GALNT17: variants seen among roughly 807,000 people sequenced by gnomAD.
GALNT17 encodes polypeptide N-acetylgalactosaminyltransferase 17, also known as UDP-GalNAc:polypeptide N-acetylgalactosaminyltransferase-like 3.
A neutral mutation model predicts 63.7 loss-of-function variants in GALNT17; 29 were observed. The observed-to-expected ratio is 0.46, with a 90% CI of 0.34 to 0.62. The LOEUF is 0.62. Among genes scored for constraint, GALNT17 ranks in the 20% least tolerant of loss-of-function variants. GALNT17 has a pLI of 0.01. For missense variants in GALNT17, 603 were observed against 799.6 expected (o/e 0.75, Z 2.97); for synonymous variants, 305 against 318.3 (o/e 0.96, Z 0.45).
At position 71,133,045 on chromosome 7, in the gene GALNT17, G is replaced by A. The variant is rs757814002; in HGVS notation, c.238+5G>A. ...TCGTGTACCGGCAGCTGAATGGTAA[G>A]GACGCACGCCGGCGCCTCCGGGGCT... is the stretch of plus-strand genomic sequence containing the variant. On this transcript the variant is annotated splice_donor_5th_base_variant and intron_variant, in intron 1 of 10. Transcript: ENST00000333538. 1.1e-5 allele frequency: 17 copies of A among 1,550,540 alleles called. No homozygotes were observed. In the South Asian group the frequency reaches 1.8e-4, roughly 16 times the overall value.
intron 1 of GALNT17, among the ~76,000 whole-genome samples, chr7:71,201,444 T>G (rs1789169809): frequency 6.6e-6 from 1 of 151,944 alleles, no homozygotes; most frequent in African/African-American, 2.4e-5. Context: ...CATTCAAAAC[T>G]CTTACACGGG....
rs1393924345 is a variant in GALNT17, at chr7:71,653,011, TG to T, written c.1081-12399del. On this transcript the variant is annotated intron_variant, in intron 6 of 10. Coordinates refer to ENST00000333538, the MANE Select transcript of GALNT17 (RefSeq NM_022479.3). ...GGAAGGGTTTTTGTTTGTTTGTTTG[TG>T]TTTGTTTTTGTTTTTGTTTTTTTTG... 2.4e-3 allele frequency among the ~76,000 whole-genome samples: 13 copies of T among 5,396 alleles called. No individual in the cohort carries two copies. The Non-Finnish European group carries it at 0.027, about 11-fold the overall frequency. 3.5% of individuals were successfully genotyped at this position (5,396 alleles called of 152,430 possible).
chr7:71,520,187 G>C (rs376408895), intron 5 of GALNT17, among the ~76,000 whole-genome samples: 16 of 152,218 alleles, frequency 1.1e-4, no homozygotes, highest in African/African-American at 3.6e-4. Flanking sequence ...GGAGACTTCT[G>C]ATCTTTCGTG....
chr7:71,357,290 C>T (rs746360946), intron 2 of GALNT17, among the ~76,000 whole-genome samples: 15 of 152,076 alleles, frequency 9.9e-5, no homozygotes, highest in Admixed American at 4.6e-4. Context: ...GCCAGATCAG[C>T]GGCAGCATTA....
intron 1 of GALNT17, chr7:71,300,400 G>C: frequency 2.2e-6 from 1 of 455,946 alleles, no homozygotes; most frequent in South Asian, 1.6e-5. Context: ...AGGACTGTCT[G>C]TCTTCCCTCC....
chr7:71,393,812 G>A (rs993253094), intron 3 of GALNT17, among the ~76,000 whole-genome samples: 1 of 152,156 alleles, frequency 6.6e-6, no homozygotes, highest in Non-Finnish European at 1.5e-5. Flanking sequence ...GCAATTCTTT[G>A]TACTCTGTAC....
At chr7:71,630,793 G>A (rs897770183) in intron 6 of GALNT17, among the ~76,000 whole-genome samples, 6 of 152,208 alleles carry the variant, frequency 3.9e-5, no homozygotes, top group Admixed American at 6.5e-5. Flanking sequence ...AGTGCAATCC[G>A]GAAATCATGG....
chr7:71,438,511 T>A (rs1787008100), intron 5 of GALNT17, among the ~76,000 whole-genome samples: 1 of 152,206 alleles, frequency 6.6e-6, no homozygotes, highest in Non-Finnish European at 1.5e-5. Context: ...CCAATCAAGT[T>A]GACACTCAGT....
chr7:71,381,321 AC>A (rs1371680035), intron 2 of GALNT17, among the ~76,000 whole-genome samples: 3 of 152,006 alleles, frequency 2.0e-5, no homozygotes, highest in African/African-American at 4.8e-5. Flanking sequence ...GATGCTACAG[AC>A]CTGTGGACCA....
intron 5 of GALNT17, among the ~76,000 whole-genome samples, chr7:71,422,893 T>G (rs1786692074): frequency 6.6e-6 from 1 of 152,098 alleles, no homozygotes; most frequent in Admixed American, 6.5e-5. Flanking sequence ...ATGAGATGGA[T>G]GGGGAGCAGG....
intron 10 of GALNT17, among the ~76,000 whole-genome samples, chr7:71,711,640 CTT>C: frequency 6.6e-6 from 1 of 151,298 alleles, no homozygotes; most frequent in Non-Finnish European, 1.5e-5. Flanking sequence ...CCTCTCTTCT[CTT>C]TTTTCTCTCT....
chr7:71,388,490 C>G (rs1400681098), intron 3 of GALNT17, 89 bp downstream of exon 3: 1 of 1,468,276 alleles, frequency 6.8e-7, no homozygotes, highest in African/African-American at 1.4e-5. Context: ...GCATCTGTGT[C>G]TCCTGGTCCC....
chr7:71,369,646 C>T (rs1187040702), intron 2 of GALNT17, among the ~76,000 whole-genome samples: 1 of 151,862 alleles, frequency 6.6e-6, no homozygotes, highest in African/African-American at 2.4e-5. Flanking sequence ...AACCCCGTCT[C>T]TACTAAAAAT....
chr7:71,500,537 C>T (rs894739989), intron 5 of GALNT17, among the ~76,000 whole-genome samples: 1 of 152,154 alleles, frequency 6.6e-6, no homozygotes, highest in East Asian at 1.9e-4. Flanking sequence ...TCTCAGCCAT[C>T]CAATCTTATG....
chr7:71,623,562 C>T (rs1286948580), intron 6 of GALNT17, among the ~76,000 whole-genome samples: 3 of 152,012 alleles, frequency 2.0e-5, no homozygotes, highest in African/African-American at 7.2e-5. Context: ...GGATTACAGG[C>T]TCACACCACC....
intron 5 of GALNT17, among the ~76,000 whole-genome samples, chr7:71,526,165 T>A (rs1439020259): frequency 3.3e-5 from 5 of 152,242 alleles, no homozygotes; most frequent in African/African-American, 1.2e-4. Flanking sequence ...ATGTTCTCAC[T>A]TATCTTTCTT....
At chr7:71,612,345 T>C (rs1790137884) in intron 6 of GALNT17, among the ~76,000 whole-genome samples, 1 of 152,214 alleles carries the variant, frequency 6.6e-6, no homozygotes, top group Non-Finnish European at 1.5e-5. Flanking sequence ...CATATGGAAA[T>C]AGACCTTTAG....
intron 1 of GALNT17, among the ~76,000 whole-genome samples, chr7:71,253,886 C>T (rs180859378): frequency 6.8e-4 from 104 of 152,152 alleles, no homozygotes; most frequent in African/African-American, 2.2e-3. Flanking sequence ...TTCCCCAGGG[C>T]GAGTTGTTGA....
At chr7:71,702,211 A>T (rs980431121) in intron 9 of GALNT17, among the ~76,000 whole-genome samples, 1 of 152,026 alleles carries the variant, frequency 6.6e-6, no homozygotes, top group Admixed American at 6.6e-5. Flanking sequence ...GGTTCAGTAG[A>T]AGCCCAAACC....
Sources: gnomAD v4.1 joint callset for allele counts (sites outside exome capture counted in the v4.1 genomes callset) on GRCh38, gnomAD v4.1.1 for gene constraint, MANE v1.5 for transcripts, NCBI Gene and HGNC (gene_info 2026-07-23, HGNC 2026-07-21) for gene names.